Variants in AGTPBP1 observed in about 807,000 individuals in gnomAD.
AGTPBP1 encodes cytosolic carboxypeptidase 1.
Under a neutral mutation model 143.9 loss-of-function variants are expected in AGTPBP1, and 70 were observed. That is an observed-to-expected ratio of 0.49 (90% CI 0.40 to 0.59). The LOEUF (loss-of-function observed/expected upper bound fraction) is 0.59. AGTPBP1 is among the 20% of genes least tolerant of loss of function. AGTPBP1 has a pLI of 0.00. For synonymous variants in AGTPBP1, 463 were observed against 500.2 expected (o/e 0.93, Z 0.99); for missense variants, 1,229 against 1,464.5 (o/e 0.84, Z 2.62).
intron 14 of AGTPBP1, among the ~76,000 whole-genome samples, chr9:85,623,161 G>A (rs1034409821): frequency 4.5e-4 from 69 of 152,194 alleles, no homozygotes; most frequent in African/African-American, 1.3e-3. Context: ...GTCTAAAAAC[G>A]AGCTGACTGC....
the AGTPBP1 span, among the ~76,000 whole-genome samples, chr9:85,783,367 A>G: frequency 6.9e-3 from 1,047 of 152,324 alleles, 13 homozygotes; most frequent in African/African-American, 0.023. Context: ...AAGAAAACAA[A>G]TCAGTTATAA....
chr9:85,693,487 A>C (rs1487443382), intron 2 of AGTPBP1, among the ~76,000 whole-genome samples: 1 of 152,166 alleles, frequency 6.6e-6, no homozygotes, highest in African/African-American at 2.4e-5. Flanking sequence ...AATCCCAGCT[A>C]CTTGGGAGGC....
the AGTPBP1 span, chr9:85,770,455 G>A: frequency 6.3e-7 from 1 of 1,584,312 alleles, no homozygotes; most frequent in Non-Finnish European, 8.7e-7. Flanking sequence ...GAGTCCTGTT[G>A]AGATTAGAGC....
At chr9:85,578,004 C>T (rs574625593) in intron 24 of AGTPBP1, among the ~76,000 whole-genome samples, 3 of 152,140 alleles carry the variant, frequency 2.0e-5, no homozygotes, top group African/African-American at 7.2e-5. Flanking sequence ...ATCCTCTTTC[C>T]CCATAACAAA....
chr9:85,634,531 C>T (rs1298086300), intron 13 of AGTPBP1, among the ~76,000 whole-genome samples: 1 of 152,126 alleles, frequency 6.6e-6, no homozygotes, highest in Non-Finnish European at 1.5e-5. Context: ...GGTTTTTACT[C>T]TGAATGAGAT....
At chr9:85,558,669 A>G (rs1826504647) in intron 25 of AGTPBP1, among the ~76,000 whole-genome samples, 1 of 152,182 alleles carries the variant, frequency 6.6e-6, no homozygotes, top group Admixed American at 6.5e-5. Flanking sequence ...GCTGGAGTAC[A>G]ATACAACGAC....
rs1824337997 is a variant in AGTPBP1 at position 85,741,924 on chromosome 9, T to TGCGGCGGCGGCGCTGGAG, written c.-201_-184dup. On this transcript the variant is annotated 5_prime_UTR_variant, in exon 1 of 26. Transcript: ENST00000357081. ...AGGCGGAGGCGGCGGCGGCGGCAGC[T>TGCGGCGGCGGCGCTGGAG]GCGGCGGCGGCGCTGGAGGCGGCGG... The TGCGGCGGCGGCGCTGGAG allele has an allele frequency of 2.3e-6, 3 of 1,311,342 alleles. No homozygotes were observed. Among genetic ancestry groups the TGCGGCGGCGGCGCTGGAG allele is most frequent in the Non-Finnish European group, 2.9e-6 (3 of 1,033,094 alleles). 81.2% of individuals were successfully genotyped at this position (1,311,342 alleles called of 1,614,324 possible). A position where few individuals can be genotyped will look rare whatever the true frequency, so the allele number is the denominator to read the frequency against.
At chr9:85,666,510 G>T (rs1386791271) in intron 8 of AGTPBP1, among the ~76,000 whole-genome samples, 2 of 152,042 alleles carry the variant, frequency 1.3e-5, no homozygotes, top group African/African-American at 2.4e-5. Context: ...TCAATGAATG[G>T]CTTGTTCTTT....
At chr9:85,772,277 G>T in the AGTPBP1 span, among the ~76,000 whole-genome samples, 1 of 152,078 alleles carries the variant, frequency 6.6e-6, no homozygotes, top group Non-Finnish European at 1.5e-5. Flanking sequence ...CCTGGCCCTT[G>T]TGCTACTCTT....
chr9:85,598,152 C>T lies in AGTPBP1; in HGVS notation c.2336-1703G>A, dbSNP rs185077146. ...CTTCAGAATCTCACTTTTTCCTCAT[C>T]GCTTTTGGTATTTCTCTCTCTCTCT... On this transcript the variant is annotated intron_variant, in intron 17 of 25. Transcript: ENST00000357081. 2.8e-3 allele frequency among the ~76,000 whole-genome samples: 422 copies of T among 152,118 alleles called. 1 individual carries two copies. The highest frequency in any genetic ancestry group is 4.8e-3 in the Admixed American group (73 of 15,282).
At chr9:85,767,247 C>T in the AGTPBP1 span, among the ~76,000 whole-genome samples, 2 of 136,788 alleles carry the variant, frequency 1.5e-5, no homozygotes, top group African/African-American at 2.8e-5. Context: ...TGCAGTGGTG[C>T]GATCTCGGCT....
At chr9:85,767,180 CTTTTTT>C in the AGTPBP1 span, among the ~76,000 whole-genome samples, 389 of 116,444 alleles carry the variant, frequency 3.3e-3, no homozygotes, top group South Asian at 9.7e-3. Context: ...TGAGAACATA[CTTTTTT>C]TTTTTTTTTT....
chr9:85,627,404 A>G (rs1306342621), intron 14 of AGTPBP1, among the ~76,000 whole-genome samples: 1 of 152,182 alleles, frequency 6.6e-6, no homozygotes, highest in African/African-American at 2.4e-5. Flanking sequence ...TTTCTGCCAT[A>G]CACATATGTT....
intron 11 of AGTPBP1, among the ~76,000 whole-genome samples, chr9:85,648,587 C>A (rs981623134): frequency 2.0e-5 from 3 of 152,118 alleles, no homozygotes; most frequent in African/African-American, 7.2e-5. Flanking sequence ...CCGAGACGGG[C>A]GGATCACGAG....
At chr9:85,575,612 T>C in intron 24 of AGTPBP1, 137 bp from the exon 25 acceptor site, 1 of 604,294 alleles carries the variant, frequency 1.7e-6, no homozygotes, top group Non-Finnish European at 2.5e-6. Context: ...GAACTAGGAC[T>C]CAACAAGTTT....
At chr9:85,695,486 C>T (rs768571690) in intron 2 of AGTPBP1, among the ~76,000 whole-genome samples, 1 of 152,110 alleles carries the variant, frequency 6.6e-6, no homozygotes, top group Non-Finnish European at 1.5e-5. Context: ...ACATTTGCAC[C>T]GATGGTCCAA....
intron 17 of AGTPBP1, among the ~76,000 whole-genome samples, chr9:85,604,011 C>T (rs1829837574): frequency 6.6e-6 from 1 of 152,182 alleles, no homozygotes; most frequent in Admixed American, 6.5e-5. Context: ...CGACTCTAGG[C>T]CCTGAATGCT....
At chr9:85,736,878 A>G (rs10868344) in intron 1 of AGTPBP1, among the ~76,000 whole-genome samples, 41,898 of 152,118 alleles carry the variant, frequency 0.28, 8,451 homozygotes, top group East Asian at 0.77. Flanking sequence ...AGGCGGACAC[A>G]GGCGGATCAC....
chr9:85,679,171 G>A (rs1835013295), intron 4 of AGTPBP1, among the ~76,000 whole-genome samples: 1 of 152,104 alleles, frequency 6.6e-6, no homozygotes, highest in African/African-American at 2.4e-5. Context: ...TGCTCTCTAT[G>A]AAATAATTTA....
Sources: allele counts gnomAD v4.1 joint callset (sites outside exome capture counted in the v4.1 genomes callset), GRCh38; gene constraint gnomAD v4.1.1; transcripts MANE v1.5; gene names NCBI Gene and HGNC (gene_info 2026-07-23, HGNC 2026-07-21).